DST: variants seen among roughly 807,000 people sequenced by gnomAD.
DST encodes bullous pemphigoid antigen.
In DST, 253 loss-of-function variants were observed where a neutral mutation model predicts 875.2. The observed-to-expected ratio is 0.29, with a 90% CI of 0.26 to 0.32. The LOEUF (loss-of-function observed/expected upper bound fraction) is 0.32, where lower values mean the gene tolerates loss of function less well. Among genes scored for constraint, DST ranks in the 10% least tolerant of loss-of-function variants. The pLI, the probability that DST is intolerant of heterozygous loss-of-function variation, is 1.00. For missense variants in DST, 8,287 were observed against 9,111.6 expected (o/e 0.91, Z 3.68); for synonymous variants, 3,124 against 3,197.1 (o/e 0.98, Z 0.77).
At chr6:56,883,466 T>C (rs1356333631) in intron 3 of DST, among the ~76,000 whole-genome samples, 1 of 152,216 alleles carries the variant, frequency 6.6e-6, no homozygotes, top group Non-Finnish European at 1.5e-5. Context: ...AATCAGGAGA[T>C]GGCCATAAGA....
chr6:56,810,858 T>C (rs1401549502), intron 4 of DST, among the ~76,000 whole-genome samples: 1 of 151,176 alleles, frequency 6.6e-6, no homozygotes, highest in Non-Finnish European at 1.5e-5. Flanking sequence ...TTTCAAGGAG[T>C]TCTGACCAGC....
chr6:56,927,321 A>C (rs1171884804), intron 2 of DST, among the ~76,000 whole-genome samples: 2 of 152,164 alleles, frequency 1.3e-5, no homozygotes, highest in African/African-American at 2.4e-5. Context: ...CAAAACAACA[A>C]CAAAAGCCTG....
chr6:56,948,903 A>G (rs1443423420), intron 2 of DST, among the ~76,000 whole-genome samples: 1 of 152,206 alleles, frequency 6.6e-6, no homozygotes, highest in Non-Finnish European at 1.5e-5. Context: ...TACTTGGCCT[A>G]TTACTTCTGG....
chr6:56,598,388 A>ATT, intron 46 of DST, 88 bp downstream of exon 46: 1 of 785,276 alleles, frequency 1.3e-6, no homozygotes. Context: ...GATAATCCTT[A>ATT]TTTACTACCA....
chr6:56,877,278 C>T (rs1780009819), intron 3 of DST, among the ~76,000 whole-genome samples: 2 of 152,218 alleles, frequency 1.3e-5, no homozygotes, highest in South Asian at 4.1e-4. Context: ...TTTGGCCGGG[C>T]TCAGTGGCTC....
At chr6:56,888,108 G>A (rs565486130) in intron 3 of DST, among the ~76,000 whole-genome samples, 261 of 151,942 alleles carry the variant, frequency 1.7e-3, no homozygotes, top group Non-Finnish European at 2.7e-3. Flanking sequence ...GTGCCACCAT[G>A]CCCAGCTAAG....
At chr6:56,921,364 A>C (rs1804135167) in intron 2 of DST, among the ~76,000 whole-genome samples, 1 of 152,218 alleles carries the variant, frequency 6.6e-6, no homozygotes, top group African/African-American at 2.4e-5. Flanking sequence ...TCAGATTATA[A>C]GAAAATCAGT....
intron 10 of DST, among the ~76,000 whole-genome samples, chr6:56,659,750 T>G (rs7760701): frequency 0.042 from 6,360 of 152,252 alleles, 160 homozygotes; most frequent in African/African-American, 0.067. Flanking sequence ...AGAGTGTTTT[T>G]GTTGATTGTT....
chr6:56,622,296 C>G (rs2098696697), intron 36 of DST, among the ~76,000 whole-genome samples: 1 of 152,136 alleles, frequency 6.6e-6, no homozygotes, highest in Non-Finnish European at 1.5e-5. Context: ...CTCGGCTGGG[C>G]ACGGTGGCTC....
At chr6:56,940,742 GCTTTTTTTTTTCTTTTTTTT>G (rs899273558) in intron 2 of DST, among the ~76,000 whole-genome samples, 108 of 151,488 alleles carry the variant, frequency 7.1e-4, no homozygotes, top group African/African-American at 2.6e-3. Flanking sequence ...ACCGTGCCTG[GCTTTTTTTTTTCTTTTTTTT>G]CTCTTTTTGG....
intron 72 of DST, among the ~76,000 whole-genome samples, chr6:56,513,594 C>A (rs1266186514): frequency 6.6e-6 from 1 of 152,106 alleles, no homozygotes; most frequent in Non-Finnish European, 1.5e-5. Flanking sequence ...AAACTCCCGA[C>A]CTCAGGTGAT....
At chr6:56,688,501 T>A (rs2099203758) in intron 9 of DST, among the ~76,000 whole-genome samples, 1 of 152,218 alleles carries the variant, frequency 6.6e-6, no homozygotes, top group African/African-American at 2.4e-5. Flanking sequence ...CAATTCTTCA[T>A]TATTCAGAGA....
chr6:56,810,712 G>GAA lies in DST; in HGVS notation c.625+40683_625+40684dup, dbSNP rs1211152515. On this transcript the variant is annotated intron_variant, in intron 4 of 103. Transcript: ENST00000680361. The stretch of plus-strand genomic sequence containing the variant: ...AATGATTTGCTCAGGGTCTCACAGG[G>GAA]AAAAAAAAAAAAGGCAGTATCAGGG... Among the ~76,000 whole-genome samples, 5 of 140,386 alleles carry GAA rather than the reference G, an allele frequency of 3.6e-5. No individual in the cohort carries two copies. In the East Asian group the frequency reaches 6.3e-4, roughly 18 times the overall value. The allele number at this position is 140,386 out of a possible 152,430, so 92.1% of individuals were successfully genotyped here. A position where few individuals can be genotyped will look rare whatever the true frequency, so the allele number is the denominator to read the frequency against.
intron 5 of DST, among the ~76,000 whole-genome samples, chr6:56,707,630 T>C (rs1306854328): frequency 1.3e-5 from 2 of 152,208 alleles, no homozygotes; most frequent in African/African-American, 4.8e-5. Flanking sequence ...TTTCACTCTA[T>C]ATTCCACTTC....
intron 84 of DST, among the ~76,000 whole-genome samples, 163 bp from the exon 85 acceptor site, chr6:56,492,596 G>A (rs1354008969): frequency 6.6e-6 from 1 of 152,188 alleles, no homozygotes; most frequent in Admixed American, 6.5e-5. Context: ...TGTCAGCCGG[G>A]TGCAGTGGCT....
chr6:56,809,069 T>C (rs948948215), intron 4 of DST, among the ~76,000 whole-genome samples: 21 of 152,120 alleles, frequency 1.4e-4, no homozygotes, highest in African/African-American at 4.6e-4. Context: ...GGAGGCAGGA[T>C]TGTGTGAGGA....
At chr6:56,703,589 G>A (rs1052476431) in intron 7 of DST, 59 bp downstream of exon 7, 28 of 655,636 alleles carry the variant, frequency 4.3e-5, no homozygotes, top group South Asian at 2.7e-4. Context: ...TTCTCTATCA[G>A]GTTAGCGCTC....
At chr6:56,594,645 T>C (rs1404358504) in intron 47 of DST, among the ~76,000 whole-genome samples, 1 of 152,220 alleles carries the variant, frequency 6.6e-6, no homozygotes, top group Non-Finnish European at 1.5e-5. Flanking sequence ...AAAAAGAATC[T>C]GTAACTTTAA....
At chr6:56,811,767 T>C (rs2099760209) in intron 4 of DST, among the ~76,000 whole-genome samples, 2 of 152,002 alleles carry the variant, frequency 1.3e-5, no homozygotes, top group Non-Finnish European at 2.9e-5. Flanking sequence ...TCTTTATTAA[T>C]AGATAAAGTG....
Sources: allele counts gnomAD v4.1 joint callset (sites outside exome capture counted in the v4.1 genomes callset), GRCh38; gene constraint gnomAD v4.1.1; transcripts MANE v1.5; gene names NCBI Gene and HGNC (gene_info 2026-07-23, HGNC 2026-07-21).